DPP10: variants seen among roughly 807,000 people sequenced by gnomAD.
DPP10 encodes the protein dipeptidyl peptidase like 10, also known as inactive dipeptidyl peptidase 10.
DPP10 carries 33 observed loss-of-function variants against 120.9 expected under a neutral mutation model. The ratio of observed to expected loss-of-function variants is 0.27; its 90% CI spans 0.21 to 0.37. DPP10 has a LOEUF of 0.37. DPP10 is among the 10% of genes least tolerant of loss of function. The probability of loss-of-function intolerance (pLI) is 1.00; values close to 1 mark genes in which losing one functional copy is unlikely to be tolerated. For synonymous variants in DPP10, 337 were observed against 326.1 expected (o/e 1.03, Z -0.36); for missense variants, 816 against 942.8 (o/e 0.87, Z 1.76).
intron 13 of DPP10, among the ~76,000 whole-genome samples, chr2:115,771,595 A>T (rs1206675006): frequency 1.3e-5 from 2 of 152,186 alleles, no homozygotes; most frequent in East Asian, 1.9e-4. Flanking sequence ...TCTCCAAAAA[A>T]TAGTACAAAA....
At position 115,411,661 on chromosome 2, in the gene DPP10, G is replaced by T. The variant is rs574459369; in HGVS notation, c.271+67749G>T. On this transcript the variant is annotated intron_variant, in intron 3 of 25. Transcript: ENST00000410059. ...TTGAGAAGCCTTAGAAAGACTTGGG[G>T]AGTAAGCTGTCATTTTATGCCTTCT... Among the ~76,000 whole-genome samples, 4 of 152,326 alleles carry T rather than the reference G, an allele frequency of 2.6e-5. No homozygotes were observed. In the East Asian group the frequency reaches 5.8e-4, roughly 22 times the overall value.
intron 1 of DPP10, among the ~76,000 whole-genome samples, chr2:115,218,866 A>G (rs1178661193): frequency 6.6e-6 from 1 of 152,122 alleles, no homozygotes; most frequent in African/African-American, 2.4e-5. Flanking sequence ...AGGAAAGTCA[A>G]TGTAGTTTTT....
intron 1 of DPP10, among the ~76,000 whole-genome samples, chr2:114,606,071 A>G (rs989006136): frequency 7.2e-5 from 11 of 152,142 alleles, no homozygotes; most frequent in African/African-American, 2.7e-4. Context: ...TTTTATAAAG[A>G]CATCCCACCA....
At chr2:115,676,038 C>T (rs187630215) in intron 5 of DPP10, among the ~76,000 whole-genome samples, 1 of 152,234 alleles carries the variant, frequency 6.6e-6, no homozygotes, top group African/African-American at 2.4e-5. Context: ...GAAGCTTTCC[C>T]CCGGACGGAG....
chr2:114,497,348 CACATGTACATATACAT>C (rs1234342869), intron 1 of DPP10, among the ~76,000 whole-genome samples: 507 of 27,118 alleles, frequency 0.019, 13 homozygotes, highest in African/African-American at 0.038. Flanking sequence ...CATATACATA[CACATGTACATATACAT>C]ACACATGTAC....
intron 3 of DPP10, among the ~76,000 whole-genome samples, chr2:115,480,548 A>G (rs1020068964): frequency 6.6e-6 from 1 of 152,162 alleles, no homozygotes; most frequent in Non-Finnish European, 1.5e-5. Context: ...TTTCTATATC[A>G]TATCTGTATC....
In DPP10 at chr2:115,623,508, G is replaced by GAATAAATA. The variant is rs1280493365; in HGVS notation, c.442-66179_442-66178insAATAAATA. Among the ~76,000 whole-genome samples, 3 of 152,226 alleles carry GAATAAATA rather than the reference G, an allele frequency of 2.0e-5. No homozygotes were observed. In the East Asian group the frequency reaches 5.8e-4, roughly 29 times the overall value. ...ATTACATATATATTTATTCGGTATA[G>GAATAAATA]TTGTGAAAGTCTTATTATATGCCAG... On this transcript the variant is annotated intron_variant, in intron 5 of 25. Coordinates refer to ENST00000410059, the MANE Select transcript of DPP10 (RefSeq NM_020868.6).
At chr2:115,826,021 A>G (rs1271269046) in intron 21 of DPP10, among the ~76,000 whole-genome samples, 1 of 152,250 alleles carries the variant, frequency 6.6e-6, no homozygotes, top group East Asian at 1.9e-4. Flanking sequence ...AACTGGTAGC[A>G]TCAGGTCACT....
At chr2:114,615,068 TA>T (rs1370399265) in intron 1 of DPP10, among the ~76,000 whole-genome samples, 39 of 152,288 alleles carry the variant, frequency 2.6e-4, no homozygotes, top group African/African-American at 8.9e-4. Flanking sequence ...GGAATGTAGC[TA>T]ATTGAGTATG....
At chr2:115,446,640 A>G (rs1268980468) in intron 3 of DPP10, among the ~76,000 whole-genome samples, 2 of 151,790 alleles carry the variant, frequency 1.3e-5, no homozygotes, top group Non-Finnish European at 2.9e-5. Flanking sequence ...TGGGAGAGAG[A>G]CTTTTTGTGT....
At chr2:114,587,631 C>T (rs1691115176) in intron 1 of DPP10, among the ~76,000 whole-genome samples, 1 of 152,164 alleles carries the variant, frequency 6.6e-6, no homozygotes, top group African/African-American at 2.4e-5. Flanking sequence ...TCTCACTCCA[C>T]TTCATTCTCA....
At chr2:115,237,524 C>G (rs1217480076) in intron 1 of DPP10, among the ~76,000 whole-genome samples, 1 of 152,054 alleles carries the variant, frequency 6.6e-6, no homozygotes, top group Non-Finnish European at 1.5e-5. Flanking sequence ...TCACACATCT[C>G]TCAATATAAA....
chr2:114,602,284 T>A (rs1692436603), intron 1 of DPP10, among the ~76,000 whole-genome samples: 1 of 151,826 alleles, frequency 6.6e-6, no homozygotes, highest in South Asian at 2.1e-4. Context: ...TAGAGAGGGC[T>A]CAATTCTATT....
chr2:114,848,350 CT>C (rs1337907135), intron 1 of DPP10, among the ~76,000 whole-genome samples: 1 of 152,110 alleles, frequency 6.6e-6, no homozygotes, highest in African/African-American at 2.4e-5. Context: ...CCCTGGGACT[CT>C]AGCAAAAGCA....
intron 1 of DPP10, among the ~76,000 whole-genome samples, chr2:114,992,128 T>C (rs114991584): frequency 0.016 from 2,421 of 152,318 alleles, 71 homozygotes; most frequent in African/African-American, 0.055. Flanking sequence ...TGCTTGCAAA[T>C]AATTCATTTT....
intron 1 of DPP10, among the ~76,000 whole-genome samples, chr2:114,632,850 AC>A (rs1385941002): frequency 1.3e-5 from 2 of 152,130 alleles, no homozygotes; most frequent in Non-Finnish European, 2.9e-5. Context: ...TCAATTAATT[AC>A]CATTGTGATT....
chr2:114,522,649 T>C (rs2104670829), intron 1 of DPP10, among the ~76,000 whole-genome samples: 1 of 152,222 alleles, frequency 6.6e-6, no homozygotes, highest in South Asian at 2.1e-4. Flanking sequence ...ATGCCTCTGA[T>C]TGGTCTTTTT....
chr2:115,216,396 G>A (rs768298439), intron 1 of DPP10, among the ~76,000 whole-genome samples: 1 of 152,152 alleles, frequency 6.6e-6, no homozygotes, highest in Non-Finnish European at 1.5e-5. Context: ...TCTCTGGAGA[G>A]ATAATGGAAC....
intron 3 of DPP10, among the ~76,000 whole-genome samples, chr2:115,490,615 G>A (rs1051670633): frequency 1.3e-5 from 2 of 152,000 alleles, no homozygotes; most frequent in Non-Finnish European, 2.9e-5. Context: ...CACTAATATT[G>A]GCTCAGAATA....
Sources: allele counts gnomAD v4.1 joint callset (sites outside exome capture counted in the v4.1 genomes callset), GRCh38; gene constraint gnomAD v4.1.1; transcripts MANE v1.5; gene names NCBI Gene and HGNC (gene_info 2026-07-23, HGNC 2026-07-21).